The following MME variants were observed in gnomAD, a reference collection of about 807,000 sequenced individuals.
The protein encoded by MME is membrane metalloendopeptidase.
A neutral mutation model predicts 113.2 loss-of-function variants in MME; 98 were observed. The ratio of observed to expected loss-of-function variants is 0.87; its 90% confidence interval spans 0.74 to 1.02. The LOEUF (loss-of-function observed/expected upper bound fraction) is 1.02, where lower values mean the gene tolerates loss of function less well. Among genes scored for constraint, MME ranks in the 50% least tolerant of loss-of-function variants. The pLI is 0.00. For synonymous variants in MME, 292 were observed against 300.6 expected (o/e 0.97, Z 0.30); for missense variants, 836 against 896.0 (o/e 0.93, Z 0.86).
intron 3 of MME, among the ~76,000 whole-genome samples, chr3:155,089,456 T>C (rs902551528): frequency 3.9e-5 from 6 of 152,298 alleles, no homozygotes; most frequent in Middle Eastern, 3.4e-3. Flanking sequence ...TTATAGGATA[T>C]TTAGTAGCAT....
intron 1 of MME, 41 bp from the exon 2 acceptor site, chr3:155,084,113 TTTTA>T: frequency 1.4e-6 from 2 of 1,461,352 alleles, no homozygotes; most frequent in South Asian, 1.1e-5. Context: ...ACATTTTCTT[TTTTA>T]TTTATTTGTT....
intron 7 of MME, among the ~76,000 whole-genome samples, chr3:155,118,143 C>G (rs1718781613): frequency 6.6e-6 from 1 of 152,128 alleles, no homozygotes; most frequent in Non-Finnish European, 1.5e-5. Flanking sequence ...TGAGGAGAAC[C>G]AAGGAGAAGT....
chr3:155,050,116 A>T (rs1205549627), intron 1 of MME, among the ~76,000 whole-genome samples: 1 of 152,188 alleles, frequency 6.6e-6, no homozygotes, highest in Non-Finnish European at 1.5e-5. Flanking sequence ...TAGTTTGCTT[A>T]GGATAATGGC....
intron 1 of MME, among the ~76,000 whole-genome samples, chr3:155,060,272 C>T (rs1178128144): frequency 6.6e-6 from 1 of 152,134 alleles, no homozygotes; most frequent in Non-Finnish European, 1.5e-5. Flanking sequence ...TATTAAAGAT[C>T]CTTCTTGCTG....
At chr3:155,112,861 A>G (rs1718297613) in intron 3 of MME, 1 of 152,230 alleles carries the variant, frequency 6.6e-6, no homozygotes. Flanking sequence ...CCTGTTACCT[A>G]GGTGCTAGGT....
At chr3:155,133,062 A>AAAATATATATATATATATATAT (rs1553762419) in intron 8 of MME, among the ~76,000 whole-genome samples, 30 of 75,040 alleles carry the variant, frequency 4.0e-4, no homozygotes, top group African/African-American at 1.5e-3. Context: ...AAAAAAAAAA[A>AAAATATATATATATATATATAT]ATATATATAT....
At chr3:155,170,614 G>C (rs1012714081) in intron 20 of MME, among the ~76,000 whole-genome samples, 2 of 152,136 alleles carry the variant, frequency 1.3e-5, no homozygotes, top group African/African-American at 4.8e-5. Context: ...TTGAGATATT[G>C]TTTTCCTAGC....
rs1337830514 is a variant in MME, at chr3:155,042,919, T to TAC, written c.-11+18596_-11+18597insCA. Among the ~76,000 whole-genome samples the TAC allele has an allele frequency of 8.4e-4, 48 of 57,252 alleles. 1 individual carries two copies. Among genetic ancestry groups the TAC allele is most frequent in the Admixed American group, 1.4e-3 (6 of 4,308 alleles). The allele number at this position is 57,252 out of a possible 152,430, so 37.6% of individuals were successfully genotyped here. On this transcript the variant is annotated intron_variant, in intron 1 of 22. Transcript: ENST00000492661. Reference sequence around the variant, plus strand: ...TAGGTTTTATATATATATATATATATATATATATATATATATATATGTATA... The same window carrying TAC: ...TAGGTTTTATATATATATATATATATACATATATATATATATATATATGTATA...
intron 8 of MME, among the ~76,000 whole-genome samples, chr3:155,132,707 A>G (rs1416890985): frequency 6.6e-6 from 1 of 151,994 alleles, no homozygotes; most frequent in East Asian, 1.9e-4. Flanking sequence ...CACACACAAA[A>G]TTAAATTTGG....
chr3:155,045,850 T>G (rs755773917), intron 1 of MME, among the ~76,000 whole-genome samples: 10 of 152,186 alleles, frequency 6.6e-5, no homozygotes, highest in Non-Finnish European at 1.3e-4. Context: ...TTTCTTCTTT[T>G]CTAATATGAA....
chr3:155,119,091 A>C (rs898610530), intron 8 of MME, among the ~76,000 whole-genome samples: 1 of 152,218 alleles, frequency 6.6e-6, no homozygotes, highest in Non-Finnish European at 1.5e-5. Context: ...AAGTTAATTT[A>C]AAATATTTTA....
rs921608910 is a variant in MME at position 155,166,058 on chromosome 3, T to A, written c.1661-844T>A. On this transcript the variant is annotated intron_variant, in intron 17 of 22. Coordinates refer to ENST00000360490, the MANE Select transcript of MME (RefSeq NM_007289.4). ...AAACTCTGTAGGACACATTAGTAAG[T>A]TAGGGTGATCATTCATTTATTTATC... 3.3e-5 allele frequency among the ~76,000 whole-genome samples: 5 copies of A among 152,298 alleles called. No homozygotes were observed. The South Asian group carries it at 1.0e-3, about 32-fold the overall frequency.
At chr3:155,141,174 G>A (rs537061773) in intron 10 of MME, among the ~76,000 whole-genome samples, 35 of 152,188 alleles carry the variant, frequency 2.3e-4, no homozygotes, top group Non-Finnish European at 4.4e-4. Context: ...AGTTAACAAG[G>A]ACTTTTCCAA....
At chr3:155,124,492 G>A (rs1471502577) in intron 8 of MME, among the ~76,000 whole-genome samples, 6 of 152,100 alleles carry the variant, frequency 3.9e-5, no homozygotes, top group East Asian at 1.9e-4. Context: ...GAGGAGAGAC[G>A]CTCTGCGTTT....
At chr3:155,167,285 G>A (rs1369371290) in intron 18 of MME, among the ~76,000 whole-genome samples, 2 of 152,108 alleles carry the variant, frequency 1.3e-5, no homozygotes, top group African/African-American at 2.4e-5. Flanking sequence ...TTTGTCAGCG[G>A]CAGTGATAAT....
At chr3:155,114,418 A>G (rs1185737883) in intron 3 of MME, among the ~76,000 whole-genome samples, 2 of 152,250 alleles carry the variant, frequency 1.3e-5, no homozygotes, top group Non-Finnish European at 2.9e-5. Context: ...AGCCAGTTTT[A>G]TAATGACAGA....
At chr3:155,133,687 T>C (rs9854218) in intron 8 of MME, among the ~76,000 whole-genome samples, 107,472 of 141,180 alleles carry the variant, frequency 0.76, 40,840 homozygotes, top group South Asian at 0.9. Context: ...TATATATATA[T>C]ACCATACATA....
chr3:155,026,289 A>G (rs917558800), intron 1 of MME, among the ~76,000 whole-genome samples: 2 of 152,196 alleles, frequency 1.3e-5, no homozygotes, highest in Admixed American at 6.5e-5. Flanking sequence ...CAGGAAACTC[A>G]AATGGGTTAA....
intron 17 of MME, among the ~76,000 whole-genome samples, chr3:155,164,215 ATAT>A: frequency 6.6e-6 from 1 of 152,244 alleles, no homozygotes; most frequent in South Asian, 2.1e-4. Context: ...CTTAGGCTAC[ATAT>A]GAAATATTCT....
Sources: gnomAD v4.1 joint callset for allele counts (sites outside exome capture counted in the v4.1 genomes callset) on GRCh38, gnomAD v4.1.1 for gene constraint, MANE v1.5 for transcripts, NCBI Gene and HGNC (gene_info 2026-07-23, HGNC 2026-07-21) for gene names.